The following RAB27B variants were observed in gnomAD, a reference collection of about 807,000 sequenced individuals.
The protein encoded by RAB27B is ras-related protein Rab-27B.
A neutral mutation model predicts 24.6 loss-of-function variants in RAB27B; 15 were observed. That is an observed-to-expected ratio of 0.61 (90% CI 0.41 to 0.94). The LOEUF is 0.94. RAB27B is among the 40% of genes least tolerant of loss of function. The pLI is 0.00. For synonymous variants in RAB27B, 105 were observed against 92.5 expected (o/e 1.14, Z -0.78); for missense variants, 261 against 266.8 (o/e 0.98, Z 0.15).
chr18:54,828,187 C>A (rs1235546017), upstream of RAB27B: 1 of 152,164 alleles, frequency 6.6e-6, no homozygotes, highest in Admixed American at 6.5e-5. Flanking sequence ...ATGTCAGGGC[C>A]CCAGTTCTCA....
intron 2 of RAB27B, among the ~76,000 whole-genome samples, chr18:54,739,184 G>A (rs1470262522): frequency 6.6e-6 from 1 of 152,054 alleles, no homozygotes; most frequent in East Asian, 1.9e-4. Context: ...GCCAGGTGTG[G>A]TGGCTCATGC....
intron 1 of RAB27B, among the ~76,000 whole-genome samples, chr18:54,849,235 C>T (rs111329573): frequency 1.3e-5 from 2 of 152,312 alleles, no homozygotes; most frequent in African/African-American, 4.8e-5. Flanking sequence ...GGTGACCACT[C>T]CCACACCGAC....
intron 2 of RAB27B, among the ~76,000 whole-genome samples, chr18:54,800,450 T>C (rs1411561459): frequency 6.6e-6 from 1 of 152,194 alleles, no homozygotes; most frequent in Admixed American, 6.5e-5. Context: ...CTCTTCCTCC[T>C]CCCCACCAAT....
chr18:54,837,548 G>T (rs1910943993), intron 1 of RAB27B, among the ~76,000 whole-genome samples: 1 of 152,168 alleles, frequency 6.6e-6, no homozygotes, highest in Admixed American at 6.5e-5. Flanking sequence ...CCTCTCAGGA[G>T]AGGTCAGGCT....
At chr18:54,806,582 CACATAA>C (rs958064708) in intron 2 of RAB27B, among the ~76,000 whole-genome samples, 8 of 147,492 alleles carry the variant, frequency 5.4e-5, no homozygotes, top group Non-Finnish European at 7.5e-5. Flanking sequence ...TATATATAAT[CACATAA>C]ATATAAGTGA....
chr18:54,773,317 CA>C (rs980834018), intron 2 of RAB27B, among the ~76,000 whole-genome samples: 28 of 152,202 alleles, frequency 1.8e-4, no homozygotes, highest in African/African-American at 6.8e-4. Flanking sequence ...GGAAGCTCAG[CA>C]ACCATGGCGT....
chr18:54,737,385 G>A (rs957160734), intron 2 of RAB27B, among the ~76,000 whole-genome samples: 8 of 152,038 alleles, frequency 5.3e-5, no homozygotes, highest in African/African-American at 1.9e-4. Context: ...TCAGTTATAG[G>A]CCATCTACAT....
At chr18:54,746,592 C>A (rs1910256294) in intron 2 of RAB27B, among the ~76,000 whole-genome samples, 1 of 152,170 alleles carries the variant, frequency 6.6e-6, no homozygotes, top group African/African-American at 2.4e-5. Flanking sequence ...TGGAGGCATT[C>A]AAGCTTACTA....
At chr18:54,885,484 C>G (rs918430163) in intron 4 of RAB27B, among the ~76,000 whole-genome samples, 2 of 152,152 alleles carry the variant, frequency 1.3e-5, no homozygotes, top group African/African-American at 4.8e-5. Context: ...CATGCTATTC[C>G]CAGTATGAAA....
intron 2 of RAB27B, among the ~76,000 whole-genome samples, chr18:54,788,077 C>A (rs886344680): frequency 1.3e-5 from 2 of 152,244 alleles, no homozygotes; most frequent in East Asian, 3.9e-4. Context: ...CTTCCTGTGT[C>A]CCTCCTTGCT....
chr18:54,792,650 T>C (rs1438456773), intron 2 of RAB27B, among the ~76,000 whole-genome samples: 1 of 152,196 alleles, frequency 6.6e-6, no homozygotes. Flanking sequence ...ATAATTGCTA[T>C]TACTATCTTC....
At chr18:54,836,856 C>T (rs1170595255) in intron 1 of RAB27B, among the ~76,000 whole-genome samples, 5 of 152,008 alleles carry the variant, frequency 3.3e-5, no homozygotes, top group Admixed American at 2.6e-4. Flanking sequence ...AAATTTCTGC[C>T]TGTTGTAGGA....
chr18:54,863,264 T>C (rs1912078357), intron 1 of RAB27B, among the ~76,000 whole-genome samples: 1 of 152,218 alleles, frequency 6.6e-6, no homozygotes, highest in Admixed American at 6.5e-5. Flanking sequence ...CATTTTCTAT[T>C]ATCATTTGAA....
At chr18:54,792,529 C>A (rs578182315) in intron 2 of RAB27B, among the ~76,000 whole-genome samples, 1 of 152,184 alleles carries the variant, frequency 6.6e-6, no homozygotes, top group East Asian at 1.9e-4. Flanking sequence ...TAAATGAACA[C>A]CCACGTTAAT....
intron 2 of RAB27B, among the ~76,000 whole-genome samples, chr18:54,821,651 A>C (rs1184914542): frequency 5.9e-5 from 9 of 152,264 alleles, no homozygotes; most frequent in Non-Finnish European, 1.3e-4. Flanking sequence ...ACCTGACTTC[A>C]AATTATAAGG....
At chr18:54,796,433 T>G (rs1303676077) in intron 2 of RAB27B, among the ~76,000 whole-genome samples, 1 of 152,184 alleles carries the variant, frequency 6.6e-6, no homozygotes, top group African/African-American at 2.4e-5. Context: ...TCGGATCACA[T>G]GTGCACTTGA....
intron 2 of RAB27B, among the ~76,000 whole-genome samples, chr18:54,762,272 C>T (rs1908214730): frequency 6.6e-6 from 1 of 152,314 alleles, no homozygotes; most frequent in South Asian, 2.1e-4. Context: ...TCACTGCAAC[C>T]TCCACCTCCT....
In RAB27B at chr18:54,778,132, A is replaced by G. The variant is rs146721193; in HGVS notation, c.-20+59991A>G. Among the ~76,000 whole-genome samples the G allele has an allele frequency of 7.9e-3, 1,204 of 152,320 alleles. 7 individuals carry two copies. Among genetic ancestry groups the G allele is most frequent in the Non-Finnish European group, 0.014 (923 of 68,026 alleles). ...GCAATTTCCTTCTTACCAATAAGTC[A>G]TGTCTCCTTTCTCGACACACCTCAT... On this transcript the variant is annotated intron_variant, in intron 2 of 4. Transcript: ENST00000586570.
chr18:54,776,867 A>G (rs1164062026), intron 2 of RAB27B, among the ~76,000 whole-genome samples: 1 of 152,114 alleles, frequency 6.6e-6, no homozygotes, highest in African/African-American at 2.4e-5. Flanking sequence ...CAACACGGCG[A>G]AACACCGTCT....
Sources: allele counts gnomAD v4.1 joint callset (sites outside exome capture counted in the v4.1 genomes callset), GRCh38; gene constraint gnomAD v4.1.1; transcripts MANE v1.5; gene names NCBI Gene and HGNC (gene_info 2026-07-23, HGNC 2026-07-21).